Variants in KCNH7 observed in about 807,000 individuals in gnomAD.
KCNH7 encodes the protein voltage-gated inwardly rectifying potassium channel KCNH7.
In KCNH7, 49 loss-of-function variants were observed where a neutral mutation model predicts 120.8. That is an observed-to-expected ratio of 0.41 (90% CI 0.32 to 0.51). The LOEUF is 0.51. Ranked by LOEUF, KCNH7 falls within the 20% of genes least tolerant of loss-of-function variation. KCNH7 has a pLI of 0.38. For missense variants in KCNH7, 1,097 were observed against 1,446.6 expected (o/e 0.76, Z 3.92); for synonymous variants, 547 against 516.1 (o/e 1.06, Z -0.81).
intron 2 of KCNH7, among the ~76,000 whole-genome samples, chr2:162,572,771 A>T (rs893398464): frequency 2.8e-5 from 4 of 144,604 alleles, no homozygotes; most frequent in African/African-American, 1.1e-4. Context: ...ATTGGAAATC[A>T]TCATTCTCAG....
chr2:162,523,917 T>C (rs1357703469), intron 3 of KCNH7, among the ~76,000 whole-genome samples: 2 of 151,906 alleles, frequency 1.3e-5, no homozygotes, highest in Non-Finnish European at 1.5e-5. Flanking sequence ...GGTTGAATTA[T>C]GGACTGAAAA....
At chr2:162,446,887 C>T (rs965119079) in intron 6 of KCNH7, among the ~76,000 whole-genome samples, 16 of 152,026 alleles carry the variant, frequency 1.1e-4, no homozygotes, top group African/African-American at 3.6e-4. Flanking sequence ...ATTTAATTTA[C>T]ATATATTTAA....
At chr2:162,511,878 C>T (rs188269774) in intron 5 of KCNH7, among the ~76,000 whole-genome samples, 29 of 151,798 alleles carry the variant, frequency 1.9e-4, no homozygotes, top group Non-Finnish European at 3.2e-4. Flanking sequence ...TTTGCACACC[C>T]ACAGCAGCAT....
chr2:162,413,786 A>ACC (rs1687462375), intron 9 of KCNH7, among the ~76,000 whole-genome samples: 3 of 151,990 alleles, frequency 2.0e-5, no homozygotes, highest in Non-Finnish European at 4.4e-5. Context: ...ATTAAAAAAA[A>ACC]ACAGCAATGT....
In KCNH7 at chr2:162,838,536, G is replaced by A. The variant is rs770530664; in HGVS notation, c.-18C>T. On this transcript the variant is annotated 5_prime_UTR_variant, in exon 1 of 16. Coordinates refer to ENST00000332142, the MANE Select transcript of KCNH7 (RefSeq NM_033272.4). ...ACAGGCATGTTGGCCCCGGTCTTCC[G>A]AGGAGCGCTCCCCCGGAGCTCTGGA... 7 of 1,605,710 alleles carry A rather than the reference G, an allele frequency of 4.4e-6. No individual in the cohort carries two copies. Among genetic ancestry groups the A allele is most frequent in the African/African-American group, 2.7e-5 (2 of 74,802 alleles).
intron 2 of KCNH7, among the ~76,000 whole-genome samples, chr2:162,694,959 T>C (rs1216002727): frequency 2.6e-5 from 4 of 152,078 alleles, no homozygotes; most frequent in Non-Finnish European, 5.9e-5. Flanking sequence ...GCCAGGCTGA[T>C]CTTGAACTCC....
chr2:162,655,066 T>G (rs1045425023), intron 2 of KCNH7, among the ~76,000 whole-genome samples: 6 of 152,126 alleles, frequency 3.9e-5, no homozygotes, highest in African/African-American at 1.4e-4. Flanking sequence ...ACTGTACAAT[T>G]AGGTGACTAC....
intron 2 of KCNH7, among the ~76,000 whole-genome samples, chr2:162,577,757 A>T (rs1331010046): frequency 1.3e-5 from 2 of 151,956 alleles, no homozygotes; most frequent in African/African-American, 4.8e-5. Flanking sequence ...AAATCACTTC[A>T]TTTATTTTTT....
At chr2:162,411,542 G>T (rs949484888) in intron 9 of KCNH7, among the ~76,000 whole-genome samples, 1 of 151,850 alleles carries the variant, frequency 6.6e-6, no homozygotes, top group Non-Finnish European at 1.5e-5. Context: ...TGTACATCAA[G>T]CCTCAGTGAC....
intron 6 of KCNH7, among the ~76,000 whole-genome samples, chr2:162,493,951 G>C (rs1205121903): frequency 6.6e-6 from 1 of 152,066 alleles, no homozygotes; most frequent in Non-Finnish European, 1.5e-5. Flanking sequence ...ACTTCAAAAA[G>C]GTACTATATA....
Position 162,826,995 on chromosome 2 carries a change from A to G in KCNH7, c.307+9542T>C, listed in dbSNP as rs1685309123. ...TTGATGAAGGGTTCAGGGAGGGGAC[A>G]TTAAGGCTATCTCAGGAAGAAGAAA... is the stretch of plus-strand genomic sequence containing the variant. On this transcript the variant is annotated intron_variant, in intron 2 of 15. Coordinates refer to ENST00000332142, the MANE Select transcript of KCNH7 (RefSeq NM_033272.4). Among the ~76,000 whole-genome samples, 4 of 152,112 alleles carry G rather than the reference A, an allele frequency of 2.6e-5. No homozygotes were observed. In the South Asian group the frequency reaches 8.3e-4, roughly 31 times the overall value.
intron 6 of KCNH7, among the ~76,000 whole-genome samples, chr2:162,487,910 G>A (rs1220780409): frequency 1.3e-5 from 2 of 152,146 alleles, no homozygotes; most frequent in South Asian, 2.1e-4. Context: ...CGTCTGCTAC[G>A]GAATTTTTCT....
chr2:162,548,334 A>T (rs1043628944), intron 2 of KCNH7, among the ~76,000 whole-genome samples: 1 of 152,164 alleles, frequency 6.6e-6, no homozygotes, highest in Non-Finnish European at 1.5e-5. Flanking sequence ...CAGATACCTG[A>T]TGGCAGGGAT....
At chr2:162,395,271 A>T (rs1686877764) in intron 11 of KCNH7, among the ~76,000 whole-genome samples, 1 of 151,814 alleles carries the variant, frequency 6.6e-6, no homozygotes, top group Non-Finnish European at 1.5e-5. Context: ...TAGTAATTTA[A>T]AGAACTTTGC....
chr2:162,658,008 G>A (rs1458481810), intron 2 of KCNH7, among the ~76,000 whole-genome samples: 1 of 151,690 alleles, frequency 6.6e-6, no homozygotes, highest in East Asian at 2.0e-4. Context: ...AGGTGATTAG[G>A]TGATGAGGGT....
intron 6 of KCNH7, among the ~76,000 whole-genome samples, chr2:162,451,429 G>T (rs1188602934): frequency 6.6e-6 from 1 of 152,006 alleles, no homozygotes; most frequent in Admixed American, 6.6e-5. Flanking sequence ...TCTATTCCTT[G>T]TATCAAATCA....
At chr2:162,384,558 C>T in intron 13 of KCNH7, 130 bp downstream of exon 13, 1 of 921,066 alleles carries the variant, frequency 1.1e-6, no homozygotes, top group Non-Finnish European at 1.7e-6. Flanking sequence ...AATCTGAACG[C>T]TTCGCGAACA....
chr2:162,714,292 C>T (rs1687033326), intron 2 of KCNH7, among the ~76,000 whole-genome samples: 1 of 152,068 alleles, frequency 6.6e-6, no homozygotes, highest in African/African-American at 2.4e-5. Flanking sequence ...TTGCAGGCAA[C>T]AACTAGCCAC....
At chr2:162,727,574 T>C (rs1187209519) in intron 2 of KCNH7, among the ~76,000 whole-genome samples, 3 of 152,206 alleles carry the variant, frequency 2.0e-5, no homozygotes, top group Non-Finnish European at 2.9e-5. Context: ...ATACATAGAA[T>C]ACTACTGACT....
Sources: gnomAD v4.1 joint callset for allele counts (sites outside exome capture counted in the v4.1 genomes callset) on GRCh38, gnomAD v4.1.1 for gene constraint, MANE v1.5 for transcripts, NCBI Gene and HGNC (gene_info 2026-07-23, HGNC 2026-07-21) for gene names.